The following RALYL variants were observed in gnomAD, a reference collection of about 807,000 sequenced individuals.
RALYL encodes RALY RNA binding protein like.
In RALYL, 29 loss-of-function variants were observed where a neutral mutation model predicts 35.1. The observed-to-expected ratio is 0.83, with a 90% CI of 0.61 to 1.13. The LOEUF (loss-of-function observed/expected upper bound fraction) is 1.13, where lower values mean the gene tolerates loss of function less well. RALYL is among the 50% of genes most tolerant of loss of function. The probability of loss-of-function intolerance (pLI) is 0.00; values close to 1 mark genes in which losing one functional copy is unlikely to be tolerated. For missense variants in RALYL, 359 were observed against 360.4 expected (o/e 1.00, Z 0.03); for synonymous variants, 120 against 127.6 (o/e 0.94, Z 0.40).
At chr8:84,602,156 T>C (rs1372584211) in intron 2 of RALYL, among the ~76,000 whole-genome samples, 1 of 152,140 alleles carries the variant, frequency 6.6e-6, no homozygotes, top group East Asian at 1.9e-4. Context: ...TCCCAAGCTG[T>C]ATTTCTAGAT....
At chr8:84,919,303 C>T (rs1848950387) in intron 8 of RALYL, among the ~76,000 whole-genome samples, 1 of 151,924 alleles carries the variant, frequency 6.6e-6, no homozygotes, top group African/African-American at 2.4e-5. Context: ...CATTGTAATA[C>T]CTATTTTCAT....
intron 2 of RALYL, among the ~76,000 whole-genome samples, chr8:84,702,508 G>A (rs1294326465): frequency 6.7e-6 from 1 of 150,296 alleles, no homozygotes; most frequent in African/African-American, 2.5e-5. Context: ...TTAGCATAGG[G>A]CTAGTTGCAT....
At chr8:84,569,242 A>T (rs2135745658) in intron 2 of RALYL, among the ~76,000 whole-genome samples, 2 of 152,024 alleles carry the variant, frequency 1.3e-5, no homozygotes, top group African/African-American at 4.8e-5. Flanking sequence ...TAAGGAAGGG[A>T]TCCAGTTTCA....
intron 1 of RALYL, among the ~76,000 whole-genome samples, chr8:84,477,161 T>C (rs2053524530): frequency 6.6e-6 from 1 of 152,124 alleles, no homozygotes; most frequent in South Asian, 2.1e-4. Context: ...ATTTCAAGTC[T>C]TTATTCTCAT....
intron 2 of RALYL, among the ~76,000 whole-genome samples, chr8:84,670,142 C>T (rs1832925229): frequency 6.6e-6 from 1 of 151,642 alleles, no homozygotes; most frequent in Non-Finnish European, 1.5e-5. Flanking sequence ...CTAATAATAA[C>T]CTCCCACCTC....
intron 1 of RALYL, among the ~76,000 whole-genome samples, chr8:84,482,836 A>G (rs2054188063): frequency 1.3e-5 from 2 of 152,112 alleles, no homozygotes; most frequent in Admixed American, 1.3e-4. Context: ...TAGCTTGTGC[A>G]CTATTATCAA....
rs1272514009 is a variant in RALYL, at chr8:84,664,280, T to TTC, written c.257-110298_257-110297insCT. 2.0e-5 allele frequency among the ~76,000 whole-genome samples: 3 copies of TTC among 149,246 alleles called. 1 individual carries two copies. Among genetic ancestry groups the TTC allele is most frequent in the African/African-American group, 7.4e-5 (3 of 40,732 alleles). ...GCCTCTAGATTTTTTTTTTTTTTTT[T>TTC]TTTTTTTCGCTTTGGATTGCCTTGA... On this transcript the variant is annotated intron_variant, in intron 2 of 8. Transcript: ENST00000521268.
At chr8:84,551,275 A>G (rs962404131) in intron 2 of RALYL, among the ~76,000 whole-genome samples, 9 of 152,134 alleles carry the variant, frequency 5.9e-5, no homozygotes, top group African/African-American at 1.2e-4. Context: ...ATAACTTTTC[A>G]CTGTTTCCAT....
intron 1 of RALYL, among the ~76,000 whole-genome samples, chr8:84,324,129 A>T (rs1465426191): frequency 1.3e-5 from 2 of 152,050 alleles, no homozygotes; most frequent in African/African-American, 4.8e-5. Context: ...AAGTATTCTA[A>T]TGTATCTTAG....
At chr8:84,292,399 T>C (rs1838929678) in intron 1 of RALYL, among the ~76,000 whole-genome samples, 1 of 152,098 alleles carries the variant, frequency 6.6e-6, no homozygotes, top group African/African-American at 2.4e-5. Flanking sequence ...TACACACAGA[T>C]CACTTATAAA....
chr8:84,706,449 G>A (rs1017028375), intron 2 of RALYL, among the ~76,000 whole-genome samples: 7 of 152,110 alleles, frequency 4.6e-5, no homozygotes, highest in Admixed American at 1.3e-4. Context: ...AAAACTTCTC[G>A]TTATTCATCC....
chr8:84,911,441 G>C (rs1163305577), intron 8 of RALYL, among the ~76,000 whole-genome samples: 2 of 152,070 alleles, frequency 1.3e-5, no homozygotes, highest in Non-Finnish European at 1.5e-5. Context: ...GCTATTGATA[G>C]AGCATAGAGA....
intron 1 of RALYL, among the ~76,000 whole-genome samples, chr8:84,488,260 T>C (rs566454168): frequency 1.8e-4 from 28 of 152,208 alleles, no homozygotes; most frequent in African/African-American, 6.7e-4. Flanking sequence ...GGTTGAATAT[T>C]GCACTTGTCC....
chr8:84,645,315 A>G (rs1432661800), intron 2 of RALYL, among the ~76,000 whole-genome samples: 1 of 151,768 alleles, frequency 6.6e-6, no homozygotes, highest in Non-Finnish European at 1.5e-5. Flanking sequence ...CTATATATTT[A>G]TACTATATTT....
chr8:84,683,682 G>T (rs188080710), intron 2 of RALYL, among the ~76,000 whole-genome samples: 5 of 151,910 alleles, frequency 3.3e-5, no homozygotes, highest in South Asian at 2.1e-4. Context: ...TTTGTTTTTG[G>T]TTTTGGTTTT....
chr8:84,259,451 TATC>T (rs1393352319), intron 1 of RALYL, among the ~76,000 whole-genome samples: 8 of 152,294 alleles, frequency 5.3e-5, no homozygotes, highest in African/African-American at 1.9e-4. Context: ...GGACAGGTAT[TATC>T]ATTCTAATTG....
intron 1 of RALYL, among the ~76,000 whole-genome samples, chr8:84,414,547 C>T (rs190413834): frequency 4.6e-5 from 7 of 152,250 alleles, no homozygotes; most frequent in African/African-American, 1.4e-4. Flanking sequence ...GATTTGATTA[C>T]TTCTAAGATA....
At chr8:84,243,487 T>C (rs924795800) in intron 1 of RALYL, among the ~76,000 whole-genome samples, 28 of 150,768 alleles carry the variant, frequency 1.9e-4, no homozygotes, top group Admixed American at 1.6e-3. Flanking sequence ...CGTTTGTTTC[T>C]GTTCTCTCTC....
intron 2 of RALYL, among the ~76,000 whole-genome samples, chr8:84,655,159 T>A (rs1246533855): frequency 6.6e-6 from 1 of 152,180 alleles, no homozygotes; most frequent in Non-Finnish European, 1.5e-5. Flanking sequence ...CAATATCTCA[T>A]TGTAGTTTTG....
Sources: allele counts gnomAD v4.1 joint callset (sites outside exome capture counted in the v4.1 genomes callset), GRCh38; gene constraint gnomAD v4.1.1; transcripts MANE v1.5; gene names NCBI Gene and HGNC (gene_info 2026-07-23, HGNC 2026-07-21).